The following AKR7A3 variants were observed in gnomAD, a reference collection of about 807,000 sequenced individuals.
AKR7A3 encodes the protein aldo-keto reductase family 7 member A3.
In AKR7A3, 37 loss-of-function variants were observed where a neutral mutation model predicts 32.5. The observed-to-expected ratio is 1.14, with a 90% CI of 0.88 to 1.50. The LOEUF (loss-of-function observed/expected upper bound fraction) is 1.50, where lower values mean the gene tolerates loss of function less well. Ranked by LOEUF, AKR7A3 falls within the 40% of genes most tolerant of loss-of-function variation. The pLI, the probability that AKR7A3 is intolerant of heterozygous loss-of-function variation, is 0.00. For missense variants in AKR7A3, 412 were observed against 453.2 expected (o/e 0.91, Z 0.83); for synonymous variants, 177 against 188.4 (o/e 0.94, Z 0.50).
At position 19,285,173 on chromosome 1, in the gene AKR7A3, A is replaced by T. The variant is rs1489882694; in HGVS notation, c.508-59T>A. On this transcript the variant is annotated intron_variant, in intron 3 of 6. Transcript: ENST00000361640. Reference sequence around the variant, plus strand: ...ATGTGTCAAAAGAAGAGACTTCAAAATTACCCTTCCAGAACCCTTATTTCA... The same window carrying T: ...ATGTGTCAAAAGAAGAGACTTCAAATTTACCCTTCCAGAACCCTTATTTCA... 1.8e-5 allele frequency: 27 copies of T among 1,521,124 alleles called. 1 individual carries two copies. The African/African-American group carries it at 3.8e-4, about 21-fold the overall frequency. The allele number at this position is 1,521,124 out of a possible 1,614,324, so 94.2% of individuals were successfully genotyped here. A position where few individuals can be genotyped will look rare whatever the true frequency, so the allele number is the denominator to read the frequency against.
chr1:19,282,034 G>T (rs2093719577), downstream of AKR7A3, among the ~76,000 whole-genome samples: 1 of 151,948 alleles, frequency 6.6e-6, no homozygotes, highest in African/African-American at 2.4e-5. Context: ...CCTTATGATT[G>T]AGTTGATGCT....
downstream of AKR7A3, among the ~76,000 whole-genome samples, chr1:19,282,345 T>G (rs1428679303): frequency 1.3e-5 from 2 of 151,684 alleles, no homozygotes; most frequent in African/African-American, 2.4e-5. Context: ...TGGAATTTCC[T>G]CCCCTGTCTG....
At chr1:19,279,893 A>G (rs1251740619), downstream of AKR7A3, among the ~76,000 whole-genome samples, 1 of 151,554 alleles carries the variant, frequency 6.6e-6, no homozygotes. Flanking sequence ...ACAAATTCAT[A>G]AACTTTCCCA....
At position 19,288,506 on chromosome 1, in the gene AKR7A3, G is replaced by A. The variant is rs372667031; in HGVS notation, c.204C>T (p.Ser68=). 1 of 1,610,604 alleles carries A rather than the reference G, an allele frequency of 6.2e-7. No homozygotes were observed. The highest frequency in any genetic ancestry group is 1.3e-5 in the African/African-American group (1 of 74,936). ...LGGLGLRLGG[S]DCRVKIDTKA... ...AGGGGCCACTGTTACCTCTGCAGTC[G>A]CTGCCGCCCAGCCGGAGCCCCAGGC... The change falls in exon 1 of 7, where the codon AGC becomes AGT. Residue 68 remains serine, a synonymous_variant. Transcript: ENST00000361640.
the AKR7A3 span, among the ~76,000 whole-genome samples, chr1:19,276,318 G>A: frequency 8.1e-3 from 1,093 of 134,736 alleles, 26 homozygotes; most frequent in Non-Finnish European, 6.1e-3. Context: ...CCGAGATTGC[G>A]CCACTGCAGT....
At chr1:19,287,420 T>C (rs554806219) in intron 1 of AKR7A3, among the ~76,000 whole-genome samples, 1 of 151,910 alleles carries the variant, frequency 6.6e-6, no homozygotes, top group South Asian at 2.1e-4. Flanking sequence ...GTTCTGGATC[T>C]ACCATGTGGT....
At chr1:19,280,632 G>A (rs928442579), downstream of AKR7A3, among the ~76,000 whole-genome samples, 12 of 150,356 alleles carry the variant, frequency 8.0e-5, no homozygotes, top group South Asian at 2.1e-4. Flanking sequence ...GTGCAGTGGC[G>A]TGATCTTGGC....
downstream of AKR7A3, among the ~76,000 whole-genome samples, chr1:19,281,181 A>C (rs2093718332): frequency 6.6e-6 from 1 of 151,676 alleles, no homozygotes. Flanking sequence ...AGCTGGGATT[A>C]CAGGCGCCTA....
At chr1:19,276,298 T>C in the AKR7A3 span, among the ~76,000 whole-genome samples, 20 of 148,116 alleles carry the variant, frequency 1.4e-4, no homozygotes, top group Admixed American at 8.8e-4. Flanking sequence ...GAGGCAGAGG[T>C]TGCAGTGAGC....
At chr1:19,284,952 A>G (rs2093726624) in intron 4 of AKR7A3, 66 bp downstream of exon 4, 2 of 1,607,238 alleles carry the variant, frequency 1.2e-6, no homozygotes, top group Non-Finnish European at 1.7e-6. Context: ...CTTGCTTCCC[A>G]GGTCCTGGGC....
At chr1:19,284,621 C>T in intron 5 of AKR7A3, 65 bp downstream of exon 5, 1 of 1,541,042 alleles carries the variant, frequency 6.5e-7, no homozygotes. Flanking sequence ...AGGAGCAGCC[C>T]AGGACTTCAT....
chr1:19,283,813 A>C (rs771626077), intron 6 of AKR7A3, among the ~76,000 whole-genome samples, 183 bp downstream of exon 6: 2 of 151,948 alleles, frequency 1.3e-5, no homozygotes, highest in Non-Finnish European at 2.9e-5. Flanking sequence ...CCTGGGTGAC[A>C]GAGTGAGACT....
At chr1:19,276,093 TG>T in the AKR7A3 span, among the ~76,000 whole-genome samples, 1 of 151,876 alleles carries the variant, frequency 6.6e-6, no homozygotes, top group Non-Finnish European at 1.5e-5. Context: ...CCAGGCGCCG[TG>T]GCTCACGCCT....
chr1:19,274,912 A>AAAAAAAAAAAAAAAAAAAAAAAAC, the AKR7A3 span, among the ~76,000 whole-genome samples: 2 of 148,620 alleles, frequency 1.3e-5, no homozygotes, highest in Non-Finnish European at 3.0e-5. Flanking sequence ...AAAAAAAAAA[A>AAAAAAAAAAAAAAAAAAAAAAAAC]AAAGACCAAT....
downstream of AKR7A3, among the ~76,000 whole-genome samples, chr1:19,278,644 T>C (rs765463228): frequency 1.1e-4 from 17 of 151,944 alleles, no homozygotes; most frequent in Non-Finnish European, 2.4e-4. Flanking sequence ...TACAGTTGAC[T>C]TAAAGTGATG....
the AKR7A3 span, among the ~76,000 whole-genome samples, chr1:19,276,957 T>C: frequency 2.7e-5 from 4 of 150,650 alleles, no homozygotes; most frequent in South Asian, 4.2e-4. Flanking sequence ...CTACTAAAAG[T>C]ACAAAAATTA....
chr1:19,282,263 G>A (rs1331734251), downstream of AKR7A3, among the ~76,000 whole-genome samples: 8 of 151,718 alleles, frequency 5.3e-5, no homozygotes. Context: ...GAATGGCTTG[G>A]TGCCATCTGT....
At chr1:19,283,007 G>C (rs1307158394) in intron 6 of AKR7A3, 115 bp from the exon 7 acceptor site, 1 of 1,270,790 alleles carries the variant, frequency 7.9e-7, no homozygotes, top group Non-Finnish European at 1.1e-6. Flanking sequence ...CATATGTCCA[G>C]AAAGAACTTA....
chr1:19,282,399 C>T (rs1244733852), downstream of AKR7A3, among the ~76,000 whole-genome samples: 1 of 151,792 alleles, frequency 6.6e-6, no homozygotes, highest in Non-Finnish European at 1.5e-5. Flanking sequence ...GGCGCCGCTT[C>T]CCCCTCTGCC....
Sources: gnomAD v4.1 joint callset for allele counts (sites outside exome capture counted in the v4.1 genomes callset) on GRCh38, gnomAD v4.1.1 for gene constraint, MANE v1.5 for transcripts, NCBI Gene and HGNC (gene_info 2026-07-23, HGNC 2026-07-21) for gene names.